The following DHX32 variants were observed in gnomAD, a reference collection of about 807,000 sequenced individuals.
The protein encoded by DHX32 is DEAH-box helicase 32 (putative).
In DHX32, 51 loss-of-function variants were observed where a neutral mutation model predicts 70.0. The observed-to-expected ratio is 0.73, with a 90% CI of 0.58 to 0.92. The LOEUF (loss-of-function observed/expected upper bound fraction) is 0.92. DHX32 is among the 40% of genes least tolerant of loss of function. The pLI, the probability that DHX32 is intolerant of heterozygous loss-of-function variation, is 0.00. For missense variants in DHX32, 762 were observed against 891.8 expected (o/e 0.85, Z 1.85); for synonymous variants, 310 against 315.3 (o/e 0.98, Z 0.18).
chr10:125,880,467 A>AG, intron 1 of DHX32, 76 bp downstream of exon 1: 1 of 1,443,162 alleles, frequency 6.9e-7, no homozygotes, highest in East Asian at 2.3e-5. Flanking sequence ...TTAGAACACT[A>AG]GGCTGTGACA....
intron 6 of DHX32, among the ~76,000 whole-genome samples, chr10:125,847,162 T>C (rs1325009416): frequency 6.6e-6 from 1 of 152,162 alleles, no homozygotes; most frequent in Non-Finnish European, 1.5e-5. Flanking sequence ...TGTATGGTCA[T>C]TTTAAAACCC....
chr10:125,875,613 GAAT>G (rs1944279689), intron 1 of DHX32, among the ~76,000 whole-genome samples: 1 of 152,218 alleles, frequency 6.6e-6, no homozygotes, highest in Non-Finnish European at 1.5e-5. Context: ...GTCAGAATTA[GAAT>G]AATCATCTTT....
intron 2 of DHX32, among the ~76,000 whole-genome samples, chr10:125,860,607 G>A (rs1944180610): frequency 6.6e-6 from 1 of 152,130 alleles, no homozygotes; most frequent in African/African-American, 2.4e-5. Context: ...GAGGTCATTA[G>A]TGATTTTAAT....
intron 6 of DHX32, among the ~76,000 whole-genome samples, chr10:125,843,611 CAA>C (rs879669432): frequency 7.6e-6 from 1 of 132,424 alleles, no homozygotes. Context: ...GACTCCGTCT[CAA>C]AAAAAAAAAA....
chr10:125,872,042 A>G (rs988554518), intron 1 of DHX32, among the ~76,000 whole-genome samples: 9 of 151,984 alleles, frequency 5.9e-5, no homozygotes, highest in Non-Finnish European at 1.3e-4. Flanking sequence ...TTGTATTTTT[A>G]GTAGAGACGA....
In DHX32 at chr10:125,842,824, ATTTCT is replaced by A. The variant is rs1436966564; in HGVS notation, c.1352-895_1352-891del. ...GCAAGCTGATTCTCTCCATCTCTTT[ATTTCT>A]TTTAAGTTTATGTAACATCGATAAT... On this transcript the variant is annotated intron_variant, in intron 6 of 10. Coordinates refer to ENST00000284690, the MANE Select transcript of DHX32 (RefSeq NM_018180.3). The A allele has an allele frequency of 8.5e-6, 8 of 938,308 alleles. No individual in the cohort carries two copies. In the South Asian group the frequency reaches 1.5e-4, roughly 17 times the overall value. The allele number at this position is 938,308 out of a possible 1,614,324, so 58.1% of individuals were successfully genotyped here.
chr10:125,880,845 C>G lies in DHX32; in HGVS notation c.-21G>C, dbSNP rs377127491. 4 of 1,595,676 alleles carry G rather than the reference C, an allele frequency of 2.5e-6. No individual in the cohort carries two copies. Among genetic ancestry groups the G allele is most frequent in the East Asian group, 4.5e-5 (2 of 44,712 alleles). The stretch of plus-strand genomic sequence containing the variant: ...TCCATCTTGTCTGACAGTGAGCTCA[C>G]GCAGCTGACATTCCACAAGCAAGTT... On this transcript the variant is annotated 5_prime_UTR_variant, in exon 1 of 11. Transcript: ENST00000284690.
chr10:125,847,816 A>T (rs1479722827), intron 6 of DHX32, among the ~76,000 whole-genome samples: 2 of 152,034 alleles, frequency 1.3e-5, no homozygotes, highest in Non-Finnish European at 2.9e-5. Flanking sequence ...TCTCATAAGG[A>T]GCGGGCAGCC....
At chr10:125,840,781 A>G (rs1854855227) in intron 8 of DHX32, 66 bp downstream of exon 8, 1 of 1,470,264 alleles carries the variant, frequency 6.8e-7, no homozygotes, top group Non-Finnish European at 9.1e-7. Flanking sequence ...AATAACTAAT[A>G]AGGACTCAGA....
At chr10:125,841,201 T>TG in intron 7 of DHX32, 1 of 1,414,292 alleles carries the variant, frequency 7.1e-7, no homozygotes, top group Middle Eastern at 1.8e-4. Flanking sequence ...GTGTGTGTGT[T>TG]TGCTTTTCTA....
In DHX32 at chr10:125,844,974, G is replaced by A. The variant is rs371296104; in HGVS notation, c.1352-3040C>T. ...TATTTCTTCACTGTTCTGTGTGCCT[G>A]TTTTCTGTGGAACCCCAAATGCCAA... On this transcript the variant is annotated intron_variant, in intron 6 of 10. Transcript: ENST00000284690. Among the ~76,000 whole-genome samples, 48 of 152,328 alleles carry A rather than the reference G, an allele frequency of 3.2e-4. No individual in the cohort carries two copies. The South Asian group carries it at 9.5e-3, about 30-fold the overall frequency.
rs1217757398 is a variant in DHX32 at position 125,866,972 on chromosome 10, T to C, written c.476+18A>G. 1.2e-6 allele frequency: 2 copies of C among 1,607,628 alleles called. No homozygotes were observed. The highest frequency in any genetic ancestry group is 2.7e-5 in the African/African-American group (2 of 74,866). On this transcript the variant is annotated intron_variant, in intron 2 of 10. Transcript: ENST00000284690. This position sits in a 1 kb window ranked among gnomAD's most constrained non-coding sequence, Gnocchi z 4.8. ...CAAGAATCATCAGCAGGGAGCGGACTGAACCCCACAAACCAACCTCAGGAT... is the reference window on the plus strand; with the variant it reads ...CAAGAATCATCAGCAGGGAGCGGACCGAACCCCACAAACCAACCTCAGGAT...
intron 1 of DHX32, among the ~76,000 whole-genome samples, chr10:125,892,606 C>T (rs1203538437): frequency 6.6e-6 from 1 of 152,190 alleles, no homozygotes; most frequent in South Asian, 2.1e-4. Flanking sequence ...TGTTCTGCTT[C>T]GGAAGCACCT....
intron 5 of DHX32, 29 bp downstream of exon 5, chr10:125,852,514 A>G (rs760048971): frequency 1.9e-6 from 3 of 1,613,054 alleles, no homozygotes; most frequent in Non-Finnish European, 2.5e-6. Context: ...AGAATTGACA[A>G]CATTTAGTAT....
At chr10:125,892,645 T>C (rs974303908) in intron 1 of DHX32, among the ~76,000 whole-genome samples, 2 of 152,220 alleles carry the variant, frequency 1.3e-5, no homozygotes, top group African/African-American at 4.8e-5. Flanking sequence ...CTTTATGACA[T>C]GCAATTCCAG....
chr10:125,868,546 T>C (rs1214871185), intron 1 of DHX32, among the ~76,000 whole-genome samples: 1 of 152,208 alleles, frequency 6.6e-6, no homozygotes, highest in East Asian at 1.9e-4. Flanking sequence ...ATGCACTTCC[T>C]GCACTTTCAG....
intron 10 of DHX32, among the ~76,000 whole-genome samples, chr10:125,837,574 A>G (rs1014488211): frequency 7.9e-5 from 12 of 152,128 alleles, no homozygotes; most frequent in African/African-American, 2.9e-4. Flanking sequence ...CTATAGGCGC[A>G]TGCCACCACA....
chr10:125,839,319 C>A (rs1287886551), intron 8 of DHX32, 131 bp from the exon 9 acceptor site: 1 of 866,544 alleles, frequency 1.2e-6, no homozygotes, highest in Non-Finnish European at 1.7e-6. Context: ...AGGTGAGTGG[C>A]AGGAAGGCAG....
chr10:125,838,985 C>T lies in DHX32; in HGVS notation c.1881+16G>A. The T allele has an allele frequency of 6.2e-7, 1 of 1,610,120 alleles. No homozygotes were observed. Among genetic ancestry groups the T allele is most frequent in the Non-Finnish European group, 8.5e-7 (1 of 1,177,464 alleles). On this transcript the variant is annotated intron_variant, in intron 9 of 10. Transcript: ENST00000284690. ...TTCAGCAGAGCCTATGCTGAGGTGA[C>T]CCCACCCCTTCTCACCTGCATAAAG...
Sources: gnomAD v4.1 joint callset for allele counts (sites outside exome capture counted in the v4.1 genomes callset) on GRCh38, gnomAD v4.1.1 for gene constraint, Gnocchi (gnomAD v3.1) non-coding constraint, MANE v1.5 for transcripts, NCBI Gene and HGNC (gene_info 2026-07-23, HGNC 2026-07-21) for gene names.